The following AGBL4 variants were observed in gnomAD, a reference collection of about 807,000 sequenced individuals.
The protein encoded by AGBL4 is AGBL carboxypeptidase 4.
In AGBL4, 58 loss-of-function variants were observed where a neutral mutation model predicts 66.4. The observed-to-expected ratio is 0.87, with a 90% CI of 0.71 to 1.09. The LOEUF is 1.09. Among genes scored for constraint, AGBL4 ranks in the 50% least tolerant of loss-of-function variants. The pLI is 0.00. For missense variants in AGBL4, 579 were observed against 631.0 expected (o/e 0.92, Z 0.88); for synonymous variants, 234 against 222.9 (o/e 1.05, Z -0.44).
chr1:49,587,362 C>A (rs1342539804), intron 3 of AGBL4, among the ~76,000 whole-genome samples: 1 of 152,012 alleles, frequency 6.6e-6, no homozygotes, highest in Admixed American at 6.6e-5. Context: ...ACTTTGAGTA[C>A]CTAGCCCACC....
At chr1:49,887,619 C>A (rs563953980) in intron 1 of AGBL4, among the ~76,000 whole-genome samples, 2 of 151,978 alleles carry the variant, frequency 1.3e-5, no homozygotes, top group African/African-American at 4.8e-5. Flanking sequence ...TAGAAAGACC[C>A]TTCTGGCAGT....
intron 4 of AGBL4, among the ~76,000 whole-genome samples, chr1:49,129,648 A>AT (rs1317351587): frequency 1.3e-5 from 2 of 151,976 alleles, no homozygotes; most frequent in East Asian, 1.9e-4. Context: ...TGAACTCATC[A>AT]TTTTTTATGG....
chr1:49,276,711 C>T (rs929166113), intron 3 of AGBL4, among the ~76,000 whole-genome samples: 1 of 152,168 alleles, frequency 6.6e-6, no homozygotes, highest in African/African-American at 2.4e-5. Flanking sequence ...TTCTTTCCCT[C>T]CCATAGCCTG....
intron 5 of AGBL4, among the ~76,000 whole-genome samples, chr1:48,935,551 C>T (rs1232035963): frequency 6.6e-6 from 1 of 151,998 alleles, no homozygotes; most frequent in Non-Finnish European, 1.5e-5. Flanking sequence ...GGTAATTTAC[C>T]TGACTTCATC....
intron 4 of AGBL4, among the ~76,000 whole-genome samples, chr1:49,081,567 C>A (rs1343766572): frequency 6.6e-6 from 1 of 152,186 alleles, no homozygotes; most frequent in African/African-American, 2.4e-5. Context: ...GCCTCTCTTT[C>A]TACTTAAGGA....
At position 48,743,097 on chromosome 1, in the gene AGBL4, G is replaced by A. The variant is rs140175658; in HGVS notation, c.635-79856C>T. Among the ~76,000 whole-genome samples the A allele has an allele frequency of 6.0e-3, 909 of 152,286 alleles. 8 individuals carry two copies. The highest frequency in any genetic ancestry group is 0.021 in the African/African-American group (853 of 41,554). On this transcript the variant is annotated intron_variant, in intron 6 of 13. Transcript: ENST00000371839. Reference sequence around the variant, plus strand: ...AGGTTCTGTTACGCCTGGGTTGGAGGAGAAGGGGTGGGAATTACTGAAATA... The same window carrying A: ...AGGTTCTGTTACGCCTGGGTTGGAGAAGAAGGGGTGGGAATTACTGAAATA...
At chr1:49,063,654 G>T (rs763890852) in intron 4 of AGBL4, among the ~76,000 whole-genome samples, 4 of 152,172 alleles carry the variant, frequency 2.6e-5, no homozygotes, top group Non-Finnish European at 5.9e-5. Flanking sequence ...GGTGACAAGT[G>T]ATATGAGGGG....
chr1:49,914,584 A>G (rs923935653), intron 1 of AGBL4, among the ~76,000 whole-genome samples: 9 of 152,174 alleles, frequency 5.9e-5, no homozygotes, highest in African/African-American at 2.2e-4. Context: ...TTATGGCAAT[A>G]CAGGATTCTT....
At chr1:48,845,845 C>A (rs1646896936) in intron 6 of AGBL4, among the ~76,000 whole-genome samples, 1 of 152,144 alleles carries the variant, frequency 6.6e-6, no homozygotes, top group African/African-American at 2.4e-5. Flanking sequence ...TAAATGATAA[C>A]AATTATGGTA....
At chr1:49,314,911 A>T (rs1343667459) in intron 3 of AGBL4, among the ~76,000 whole-genome samples, 1 of 152,040 alleles carries the variant, frequency 6.6e-6, no homozygotes, top group Non-Finnish European at 1.5e-5. Context: ...TGACTTTTTA[A>T]TGATCACCAT....
In AGBL4 at chr1:49,246,059, T is replaced by C. The variant is rs111480594; in HGVS notation, c.283-195A>G. Among the ~76,000 whole-genome samples the C allele has an allele frequency of 2.1e-3, 312 of 152,098 alleles. 4 individuals are homozygous for C. The highest frequency in any genetic ancestry group is 7.0e-3 in the African/African-American group (290 of 41,562). Reference sequence around the variant, plus strand: ...AAGCATAGCAATTAAGCATTAGCTCTGGAACCTGGAAACTTGAATTTTAGA... The same window carrying C: ...AAGCATAGCAATTAAGCATTAGCTCCGGAACCTGGAAACTTGAATTTTAGA... On this transcript the variant is annotated intron_variant, in intron 3 of 13. Transcript: ENST00000371839.
At chr1:49,959,316 G>C (rs371174602) in intron 1 of AGBL4, among the ~76,000 whole-genome samples, 2 of 152,144 alleles carry the variant, frequency 1.3e-5, no homozygotes, top group African/African-American at 4.8e-5. Flanking sequence ...ACCTGGCAAG[G>C]ATTTCGCAGG....
At chr1:49,594,388 C>A (rs1167867138) in intron 3 of AGBL4, among the ~76,000 whole-genome samples, 1 of 152,102 alleles carries the variant, frequency 6.6e-6, no homozygotes, top group Non-Finnish European at 1.5e-5. Context: ...GATACAAGTG[C>A]AGAACATGCA....
intron 6 of AGBL4, among the ~76,000 whole-genome samples, chr1:48,861,557 C>T (rs1446789489): frequency 6.6e-6 from 1 of 152,170 alleles, no homozygotes; most frequent in East Asian, 1.9e-4. Context: ...GCAGACTTCT[C>T]ATCAGCAACT....
chr1:49,784,334 T>C (rs1056066226), intron 2 of AGBL4, among the ~76,000 whole-genome samples: 2 of 152,128 alleles, frequency 1.3e-5, no homozygotes, highest in Non-Finnish European at 2.9e-5. Context: ...CTTACATTTA[T>C]GGTCAATTGA....
intron 5 of AGBL4, among the ~76,000 whole-genome samples, chr1:48,873,678 A>C (rs1269564578): frequency 6.6e-6 from 1 of 152,100 alleles, no homozygotes; most frequent in Non-Finnish European, 1.5e-5. Context: ...TGGTCACCAA[A>C]AGAGGTCTTT....
chr1:49,080,288 G>C (rs948814024), intron 4 of AGBL4, among the ~76,000 whole-genome samples: 4 of 152,142 alleles, frequency 2.6e-5, no homozygotes, highest in African/African-American at 9.7e-5. Context: ...GGTGTAAGCA[G>C]AGTAGAAGAA....
intron 6 of AGBL4, among the ~76,000 whole-genome samples, chr1:48,707,739 A>T (rs1646903108): frequency 6.6e-6 from 1 of 152,178 alleles, no homozygotes; most frequent in Admixed American, 6.5e-5. Context: ...GTCTCAGGTC[A>T]TGAAGTCCAC....
At chr1:49,387,331 T>A (rs1644755454) in intron 3 of AGBL4, among the ~76,000 whole-genome samples, 2 of 151,958 alleles carry the variant, frequency 1.3e-5, no homozygotes, top group South Asian at 4.1e-4. Flanking sequence ...AAAATAACCC[T>A]TATGCTCTTT....
Sources: gnomAD v4.1 joint callset for allele counts (sites outside exome capture counted in the v4.1 genomes callset) on GRCh38, gnomAD v4.1.1 for gene constraint, MANE v1.5 for transcripts, NCBI Gene and HGNC (gene_info 2026-07-23, HGNC 2026-07-21) for gene names.